The following GRM5 variants were observed in gnomAD, a reference collection of about 807,000 sequenced individuals.
GRM5 encodes glutamate metabotropic receptor 5.
GRM5 carries 19 observed loss-of-function variants against 83.1 expected under a neutral mutation model. The observed-to-expected ratio is 0.23, with a 90% CI of 0.16 to 0.34. The LOEUF (loss-of-function observed/expected upper bound fraction) is 0.34. Among genes scored for constraint, GRM5 ranks in the 10% least tolerant of loss-of-function variants. GRM5 has a pLI of 1.00. For missense variants in GRM5, 1,160 were observed against 1,588.3 expected, an observed-to-expected ratio of 0.73 and a Z score of 4.58; for synonymous variants, 675 against 633.6, an observed-to-expected ratio of 1.07 and a Z score of -0.98.
At chr11:88,699,796 C>T (rs111456479) in intron 3 of GRM5, among the ~76,000 whole-genome samples, 174 of 152,226 alleles carry the variant, frequency 1.1e-3, no homozygotes, top group African/African-American at 3.2e-3. Flanking sequence ...GATTTAAATA[C>T]GTTATGTCAG....
intron 2 of GRM5, among the ~76,000 whole-genome samples, chr11:88,931,260 T>A (rs1446128352): frequency 6.6e-6 from 1 of 151,816 alleles, no homozygotes; most frequent in African/African-American, 2.4e-5. Flanking sequence ...ATTCAACAAA[T>A]ATTTTATGTA....
chr11:88,806,954 A>G (rs1229413789), intron 3 of GRM5, among the ~76,000 whole-genome samples: 1 of 152,220 alleles, frequency 6.6e-6, no homozygotes, highest in Non-Finnish European at 1.5e-5. Context: ...ATCTTCTTTT[A>G]AGACTTGATT....
chr11:88,695,320 C>T (rs12364596), intron 3 of GRM5, among the ~76,000 whole-genome samples: 2,988 of 152,222 alleles, frequency 0.02, 36 homozygotes, highest in Non-Finnish European at 0.03. Flanking sequence ...CATTTCTTAA[C>T]CCAGCCATCT....
intron 8 of GRM5, among the ~76,000 whole-genome samples, chr11:88,557,751 CTTT>C (rs566146634): frequency 2.2e-5 from 3 of 136,604 alleles, no homozygotes; most frequent in Non-Finnish European, 4.8e-5. Context: ...CTTAATCATC[CTTT>C]TTTTTTTTTT....
rs1938473684 is a variant in GRM5, at chr11:88,616,124, C to CTT, written c.1148-11161_1148-11160insAA. ...CTAGCAGACTGAGATGATACTTAAA[C>CTT]AAGTTAATACTAACAAAGCATTTGA... is the stretch of plus-strand genomic sequence containing the variant. On this transcript the variant is annotated intron_variant, in intron 4 of 9. Coordinates refer to ENST00000305447, the MANE Select transcript of GRM5 (RefSeq NM_001143831.3). Among the ~76,000 whole-genome samples the CTT allele has an allele frequency of 2.0e-5, 3 of 152,140 alleles. No homozygotes were observed. In the South Asian group the frequency reaches 6.2e-4, roughly 32 times the overall value.
intron 3 of GRM5, among the ~76,000 whole-genome samples, chr11:88,814,611 T>C (rs1287797769): frequency 6.6e-6 from 1 of 152,100 alleles, no homozygotes; most frequent in Non-Finnish European, 1.5e-5. Context: ...ACCTAACAAA[T>C]TATAAAATAG....
chr11:88,933,110 T>C (rs2135651001), intron 2 of GRM5, among the ~76,000 whole-genome samples: 1 of 151,746 alleles, frequency 6.6e-6, no homozygotes, highest in South Asian at 2.1e-4. Flanking sequence ...TATATTACTT[T>C]CTATCTTTTA....
At chr11:88,876,569 T>A (rs1472992778) in intron 2 of GRM5, among the ~76,000 whole-genome samples, 3 of 152,160 alleles carry the variant, frequency 2.0e-5, no homozygotes, top group African/African-American at 7.2e-5. Flanking sequence ...ATCGGGGCTT[T>A]TGACACACCT....
intron 2 of GRM5, among the ~76,000 whole-genome samples, chr11:88,951,579 G>A (rs534250261): frequency 6.6e-6 from 1 of 152,310 alleles, no homozygotes; most frequent in Admixed American, 6.5e-5. Flanking sequence ...TAGAGAAAGA[G>A]CATAGTATGG....
chr11:89,009,410 A>C (rs10765182), intron 2 of GRM5, among the ~76,000 whole-genome samples: 89,561 of 151,966 alleles, frequency 0.59, 26,486 homozygotes, highest in South Asian at 0.72. Context: ...TTCTTAGCAG[A>C]CCATTGAGAA....
intron 1 of GRM5, among the ~76,000 whole-genome samples, chr11:89,050,117 T>G (rs1291154808): frequency 6.6e-6 from 1 of 152,200 alleles, no homozygotes; most frequent in African/African-American, 2.4e-5. Flanking sequence ...TTAAGTTGTT[T>G]TATGAAACCC....
At chr11:89,038,151 TTGTGTG>T (rs35505173) in intron 2 of GRM5, among the ~76,000 whole-genome samples, 100 of 144,688 alleles carry the variant, frequency 6.9e-4, no homozygotes, top group East Asian at 3.9e-3. Flanking sequence ...TAGAATCTCA[TTGTGTG>T]TGTGTGTGTG....
At chr11:88,542,144 G>A (rs1008542536) in intron 8 of GRM5, among the ~76,000 whole-genome samples, 1 of 152,110 alleles carries the variant, frequency 6.6e-6, no homozygotes, top group African/African-American at 2.4e-5. Context: ...AGAAGGGTGA[G>A]AGCAGACTAA....
chr11:88,608,705 A>G (rs1489927253), intron 4 of GRM5, among the ~76,000 whole-genome samples: 4 of 151,858 alleles, frequency 2.6e-5, no homozygotes, highest in Non-Finnish European at 1.5e-5. Context: ...TATTTTTAGT[A>G]GAGACGGGGT....
intron 3 of GRM5, among the ~76,000 whole-genome samples, chr11:88,701,915 T>C (rs1481421215): frequency 6.6e-6 from 1 of 152,112 alleles, no homozygotes. Context: ...GTAATGTTTA[T>C]AATTTGATAT....
At chr11:88,802,838 C>G (rs1406656961) in intron 3 of GRM5, among the ~76,000 whole-genome samples, 1 of 151,658 alleles carries the variant, frequency 6.6e-6, no homozygotes, top group East Asian at 1.9e-4. Flanking sequence ...TCAGCAAATT[C>G]TCAGGATACA....
At chr11:88,895,076 A>G (rs1013862760) in intron 2 of GRM5, among the ~76,000 whole-genome samples, 21 of 151,970 alleles carry the variant, frequency 1.4e-4, no homozygotes, top group African/African-American at 4.6e-4. Flanking sequence ...TATTACTGGA[A>G]TTAAGTTAGT....
chr11:88,754,066 C>A (rs7122725), intron 3 of GRM5, among the ~76,000 whole-genome samples: 4,361 of 152,082 alleles, frequency 0.029, 216 homozygotes, highest in African/African-American at 0.098. Context: ...AGACAGAGAA[C>A]CAAACCATAT....
chr11:88,686,664 A>T (rs2135352304), intron 3 of GRM5, among the ~76,000 whole-genome samples: 1 of 152,256 alleles, frequency 6.6e-6, no homozygotes, highest in African/African-American at 2.4e-5. Flanking sequence ...CCTTTCCCCC[A>T]TACTGTCCTT....
Sources: allele counts gnomAD v4.1 joint callset (sites outside exome capture counted in the v4.1 genomes callset), GRCh38; gene constraint gnomAD v4.1.1; transcripts MANE v1.5; gene names NCBI Gene and HGNC (gene_info 2026-07-23, HGNC 2026-07-21).